COLEC10: variants seen among roughly 807,000 people sequenced by gnomAD.
COLEC10 encodes the protein collectin-10.
In COLEC10, 22 loss-of-function variants were observed where a neutral mutation model predicts 28.4. The ratio of observed to expected loss-of-function variants is 0.78; its 90% CI spans 0.55 to 1.11. The LOEUF is 1.11. Ranked by LOEUF, COLEC10 falls within the 50% of genes least tolerant of loss-of-function variation. COLEC10 has a pLI of 0.00. For synonymous variants in COLEC10, 125 were observed against 116.1 expected (o/e 1.08, Z -0.49); for missense variants, 361 against 344.1 (o/e 1.05, Z -0.39).
At chr8:119,055,041 A>G (rs960750230) in intron 2 of COLEC10, among the ~76,000 whole-genome samples, 1 of 152,160 alleles carries the variant, frequency 6.6e-6, no homozygotes, top group African/African-American at 2.4e-5. Context: ...CCATTAAAAA[A>G]GAAACAGATT....
At chr8:119,063,380 G>A (rs971182474), upstream of COLEC10, 1 of 152,182 alleles carries the variant, frequency 6.6e-6, no homozygotes. Flanking sequence ...CAAGCTGTAG[G>A]TAGTAGAGAA....
chr8:119,005,192 T>C (rs1161643220), intron 1 of COLEC10, among the ~76,000 whole-genome samples: 2 of 152,084 alleles, frequency 1.3e-5, no homozygotes, highest in African/African-American at 4.8e-5. Flanking sequence ...TCTCAACCTT[T>C]TGAAAGAGAA....
intron 2 of COLEC10, among the ~76,000 whole-genome samples, chr8:119,018,661 C>T (rs575241503): frequency 6.6e-6 from 1 of 152,176 alleles, no homozygotes; most frequent in South Asian, 2.1e-4. Flanking sequence ...TCAGATGATC[C>T]TAATATGATT....
chr8:119,011,536 G>A (rs959142299), intron 2 of COLEC10, among the ~76,000 whole-genome samples: 2 of 150,584 alleles, frequency 1.3e-5, no homozygotes, highest in Non-Finnish European at 2.9e-5. Context: ...GATTGAGATT[G>A]GATCAAATCC....
intron 1 of COLEC10, among the ~76,000 whole-genome samples, chr8:119,070,479 T>TCCCCC (rs1815089267): frequency 1.6e-4 from 4 of 25,082 alleles, no homozygotes; most frequent in South Asian, 2.0e-3. Context: ...CTCTCTCTCC[T>TCCCCC]TCCCCCTCCT....
chr8:119,080,504 G>A (rs576223742), intron 1 of COLEC10, among the ~76,000 whole-genome samples: 48 of 152,228 alleles, frequency 3.2e-4, no homozygotes, highest in African/African-American at 1.1e-3. Flanking sequence ...ACCAGATGGT[G>A]AATTATCAAG....
At chr8:118,971,048 T>G in the COLEC10 span, among the ~76,000 whole-genome samples, 6 of 151,964 alleles carry the variant, frequency 3.9e-5, no homozygotes, top group Admixed American at 3.3e-4. Context: ...TGACTTAAGG[T>G]CAACCCCTAG....
At chr8:119,087,577 C>T (rs1460373544) in intron 1 of COLEC10, among the ~76,000 whole-genome samples, 7 of 152,252 alleles carry the variant, frequency 4.6e-5, no homozygotes, top group African/African-American at 1.2e-4. Flanking sequence ...GGATACATTT[C>T]CTGTGAATAA....
chr8:119,023,871 C>T (rs183669350), intron 2 of COLEC10, among the ~76,000 whole-genome samples: 6,690 of 152,052 alleles, frequency 0.044, 216 homozygotes, highest in East Asian at 0.16. Flanking sequence ...TGCAAAAGCA[C>T]GTGTTTTGGT....
intron 1 of COLEC10, among the ~76,000 whole-genome samples, chr8:119,072,119 G>A (rs1161503048): frequency 6.6e-6 from 1 of 152,186 alleles, no homozygotes; most frequent in African/African-American, 2.4e-5. Flanking sequence ...ACGCTTCTGA[G>A]GACACTGTGA....
chr8:118,976,894 A>C, the COLEC10 span, among the ~76,000 whole-genome samples: 7 of 152,064 alleles, frequency 4.6e-5, no homozygotes, highest in Non-Finnish European at 8.8e-5. Context: ...AACTCAAACA[A>C]ATTTACAAGA....
chr8:119,065,781 C>T (rs1814942534), upstream of COLEC10, among the ~76,000 whole-genome samples: 1 of 150,650 alleles, frequency 6.6e-6, no homozygotes. Context: ...TCGCTTGAAC[C>T]TGGGAGGCAG....
At chr8:118,992,817 A>G (rs1237797906), upstream of COLEC10, among the ~76,000 whole-genome samples, 1 of 152,202 alleles carries the variant, frequency 6.6e-6, no homozygotes, top group African/African-American at 2.4e-5. Context: ...TATACCATAA[A>G]CAATATACAT....
At chr8:118,991,907 T>C (rs937240900), upstream of COLEC10, among the ~76,000 whole-genome samples, 3 of 152,194 alleles carry the variant, frequency 2.0e-5, no homozygotes, top group African/African-American at 7.2e-5. Context: ...ATTCTTGTTT[T>C]ACAGATGGTT....
At chr8:119,015,109 T>C (rs2130093172) in intron 2 of COLEC10, among the ~76,000 whole-genome samples, 1 of 151,282 alleles carries the variant, frequency 6.6e-6, no homozygotes, top group Middle Eastern at 3.4e-3. Context: ...AGTATGTTTT[T>C]GTCTTTTAGT....
At chr8:119,000,213 T>G (rs1286127886) in intron 1 of COLEC10, among the ~76,000 whole-genome samples, 1 of 152,144 alleles carries the variant, frequency 6.6e-6, no homozygotes, top group Non-Finnish European at 1.5e-5. Flanking sequence ...CTTTCCTGAT[T>G]ATTTTTCTGG....
In COLEC10 at chr8:119,095,807, C is replaced by T. The variant is rs570533991; in HGVS notation, c.292+4587C>T. Reference sequence around the variant, plus strand: ...GTGTAAATGAAAATGACCAAAAATACCCAAGACAATTTTGAAAAAATGAAA... The same window carrying T: ...GTGTAAATGAAAATGACCAAAAATATCCAAGACAATTTTGAAAAAATGAAA... On this transcript the variant is annotated intron_variant, in intron 3 of 5. Transcript: ENST00000332843. 4.4e-4 allele frequency among the ~76,000 whole-genome samples: 67 copies of T among 152,068 alleles called. 1 individual carries two copies. The highest frequency in any genetic ancestry group is 3.4e-3 in the Middle Eastern group (1 of 294).
At chr8:119,103,975 A>T (rs1488570621) in intron 5 of COLEC10, 80 bp downstream of exon 5, 1 of 1,010,932 alleles carries the variant, frequency 9.9e-7, no homozygotes, top group African/African-American at 1.6e-5. Flanking sequence ...TTAGATGGAA[A>T]TATCTTGAGT....
chr8:118,987,299 C>T, the COLEC10 span, among the ~76,000 whole-genome samples: 1 of 152,166 alleles, frequency 6.6e-6, no homozygotes, highest in South Asian at 2.1e-4. Context: ...TGCAGTGGCT[C>T]ACACCTGTAA....
Sources: gnomAD v4.1 joint callset for allele counts (sites outside exome capture counted in the v4.1 genomes callset) on GRCh38, gnomAD v4.1.1 for gene constraint, MANE v1.5 for transcripts, NCBI Gene and HGNC (gene_info 2026-07-23, HGNC 2026-07-21) for gene names.